ZYG11B: variants seen among roughly 807,000 people sequenced by gnomAD.
ZYG11B encodes zyg-11 family member B, cell cycle regulator, also known as protein zyg-11 homolog B.
ZYG11B carries 36 observed loss-of-function variants against 82.4 expected under a neutral mutation model. The observed-to-expected ratio is 0.44, with a 90% confidence interval of 0.33 to 0.58. ZYG11B has a LOEUF of 0.58. Ranked by LOEUF, ZYG11B falls within the 20% of genes least tolerant of loss-of-function variation. ZYG11B has a pLI of 0.02. For synonymous variants in ZYG11B, 303 were observed against 312.8 expected, an observed-to-expected ratio of 0.97 and a Z score of 0.33; for missense variants, 552 against 895.6, an observed-to-expected ratio of 0.62 and a Z score of 4.90.
chr1:52,818,140 CT>C (rs1645251293), intron 13 of ZYG11B, among the ~76,000 whole-genome samples: 1 of 151,424 alleles, frequency 6.6e-6, no homozygotes, highest in Admixed American at 6.6e-5. Context: ...GCCTGGCCTA[CT>C]TTTAGTTTTA....
intron 2 of ZYG11B, among the ~76,000 whole-genome samples, chr1:52,767,365 T>C (rs1164334215): frequency 1.3e-5 from 2 of 151,992 alleles, no homozygotes; most frequent in Non-Finnish European, 2.9e-5. Flanking sequence ...AGTGCAATGG[T>C]GCGATCTCAA....
At chr1:52,779,820 G>C in intron 3 of ZYG11B, 33 bp from the exon 4 acceptor site, 1 of 1,609,968 alleles carries the variant, frequency 6.2e-7, no homozygotes, top group Non-Finnish European at 8.5e-7. Flanking sequence ...GAAAGAGAGA[G>C]AATTCTAAAA....
Position 52,776,229 on chromosome 1 carries a change from A to AAAAAAAAAAAAAAATATATATATAT in ZYG11B, c.952-3623_952-3622insAAAAAAAAAAAAATATATATATATA. 1.8e-3 allele frequency among the ~76,000 whole-genome samples: 43 copies of AAAAAAAAAAAAAAATATATATATAT among 23,530 alleles called. 1 individual carries two copies. The highest frequency in any genetic ancestry group is 4.1e-3 in the African/African-American group (43 of 10,538). 15.4% of individuals were successfully genotyped at this position (23,530 alleles called of 152,430 possible). A position where few individuals can be genotyped will look rare whatever the true frequency, so the allele number is the denominator to read the frequency against. On this transcript the variant is annotated intron_variant, in intron 3 of 13. Transcript: ENST00000294353. ...AGCAAAACTCTGTCTTAAAAAAAAA[A>AAAAAAAAAAAAAAATATATATATAT]ATATATATATATATATGCAATAAAG...
At chr1:52,789,916 T>TTC in intron 5 of ZYG11B, 87 bp from the exon 6 acceptor site, 1 of 236,760 alleles carries the variant, frequency 4.2e-6, no homozygotes, top group Non-Finnish European at 6.4e-6. Flanking sequence ...AGTCTTCTTC[T>TTC]TTTTTTTTTT....
chr1:52,795,857 A>C (rs555594875), intron 6 of ZYG11B, among the ~76,000 whole-genome samples: 2 of 152,150 alleles, frequency 1.3e-5, no homozygotes, highest in Non-Finnish European at 2.9e-5. Context: ...TTTGTTCACT[A>C]TTCTATCTCC....
intron 6 of ZYG11B, among the ~76,000 whole-genome samples, chr1:52,795,966 A>C (rs552943357): frequency 6.6e-6 from 1 of 152,352 alleles, no homozygotes; most frequent in African/African-American, 2.4e-5. Flanking sequence ...TGAGGAACCC[A>C]AAAAATACTT....
intron 12 of ZYG11B, among the ~76,000 whole-genome samples, chr1:52,814,889 G>A (rs1645211031): frequency 6.6e-6 from 1 of 152,190 alleles, no homozygotes; most frequent in Admixed American, 6.5e-5. Context: ...CAGGCATTGT[G>A]GCTCATGCCT....
At chr1:52,814,285 T>G (rs567149506) in intron 12 of ZYG11B, among the ~76,000 whole-genome samples, 1 of 152,346 alleles carries the variant, frequency 6.6e-6, no homozygotes, top group African/African-American at 2.4e-5. Context: ...CCCCCCTAAG[T>G]GCTGGGATTA....
At position 52,771,648 on chromosome 1, in the gene ZYG11B, G is replaced by C; in HGVS notation, c.825G>C (p.Gly275=). The C allele has an allele frequency of 6.2e-7, 1 of 1,614,196 alleles. No individual in the cohort carries two copies. The highest frequency in any genetic ancestry group is 1.3e-5 in the African/African-American group (1 of 75,056). Residue 275 remains glycine (G), a synonymous_variant, in exon 3 of 14, where the codon GGG becomes GGC. Transcript: ENST00000294353. This position sits in a 1 kb window ranked among gnomAD's most constrained non-coding sequence, Gnocchi z 5.4. Reference sequence around the variant, plus strand: ...ACCTTGTTTCTCTGGATGTTTCTGGGAGAAAGCACGTGACAGATAAAGCCG... The same window carrying C: ...ACCTTGTTTCTCTGGATGTTTCTGGCAGAAAGCACGTGACAGATAAAGCCG... ...LPNLVSLDVS[G]RKHVTDKAVE...
intron 1 of ZYG11B, among the ~76,000 whole-genome samples, chr1:52,739,223 G>A (rs1288004591): frequency 6.6e-6 from 1 of 151,948 alleles, no homozygotes; most frequent in Admixed American, 6.6e-5. Flanking sequence ...TTGACCTCGG[G>A]TGATCTGCCC....
chr1:52,778,411 C>A (rs1644827022), intron 3 of ZYG11B, among the ~76,000 whole-genome samples: 1 of 152,150 alleles, frequency 6.6e-6, no homozygotes, highest in African/African-American at 2.4e-5. Flanking sequence ...CAGATATAAG[C>A]CACTCTGCCA....
chr1:52,727,224 C>T (rs1435305560), intron 1 of ZYG11B, among the ~76,000 whole-genome samples: 1 of 152,100 alleles, frequency 6.6e-6, no homozygotes, highest in African/African-American at 2.4e-5. Flanking sequence ...CAGCTGTCCC[C>T]ATTTCCTTCT....
chr1:52,768,071 C>T (rs1331101794), intron 2 of ZYG11B, among the ~76,000 whole-genome samples: 1 of 152,132 alleles, frequency 6.6e-6, no homozygotes, highest in Non-Finnish European at 1.5e-5. Context: ...AATCTAGGCC[C>T]CTATTGGCAT....
At chr1:52,802,396 G>A (rs914473694) in intron 10 of ZYG11B, among the ~76,000 whole-genome samples, 1 of 140,498 alleles carries the variant, frequency 7.1e-6, no homozygotes, top group South Asian at 2.2e-4. Context: ...TGCCCAGGCT[G>A]GAGTGCAGTG....
At chr1:52,792,730 T>C (rs1004109514) in intron 6 of ZYG11B, among the ~76,000 whole-genome samples, 1 of 152,192 alleles carries the variant, frequency 6.6e-6, no homozygotes, top group African/African-American at 2.4e-5. Flanking sequence ...TTAGTAAAAA[T>C]TAACTTTTAT....
At position 52,779,195 on chromosome 1, in the gene ZYG11B, A is replaced by G. The variant is rs150170447; in HGVS notation, c.952-658A>G. 4.0e-4 allele frequency among the ~76,000 whole-genome samples: 61 copies of G among 152,310 alleles called. No homozygotes were observed. The East Asian group carries it at 0.011, about 27-fold the overall frequency. ...GCTTGACTTACGGAAAGGTGAGGAAAAAAGGTCATACAGTTATAACATTGT... is the reference window on the plus strand; with the variant it reads ...GCTTGACTTACGGAAAGGTGAGGAAGAAAGGTCATACAGTTATAACATTGT... On this transcript the variant is annotated intron_variant, in intron 3 of 13. Transcript: ENST00000294353.
intron 1 of ZYG11B, among the ~76,000 whole-genome samples, chr1:52,745,400 T>A (rs1644467595): frequency 6.6e-6 from 1 of 152,192 alleles, no homozygotes; most frequent in South Asian, 2.1e-4. Flanking sequence ...CCCCATGCTC[T>A]CTGGTATGCC....
At chr1:52,816,116 C>T (rs545020441) in intron 12 of ZYG11B, among the ~76,000 whole-genome samples, 4 of 151,776 alleles carry the variant, frequency 2.6e-5, no homozygotes, top group East Asian at 3.9e-4. Context: ...TTTATTTCTC[C>T]AACTTATGTT....
chr1:52,784,779 C>A, intron 4 of ZYG11B, 98 bp from the exon 5 acceptor site: 2 of 1,320,900 alleles, frequency 1.5e-6, no homozygotes, highest in Non-Finnish European at 1.1e-6. Context: ...AAAATTATGA[C>A]ATCTTTGAAA....
Sources: gnomAD v4.1 joint callset for allele counts (sites outside exome capture counted in the v4.1 genomes callset) on GRCh38, gnomAD v4.1.1 for gene constraint, Gnocchi (gnomAD v3.1) non-coding constraint, MANE v1.5 for transcripts, NCBI Gene and HGNC (gene_info 2026-07-23, HGNC 2026-07-21) for gene names.